Variants in FUT8 observed in about 807,000 individuals in gnomAD.
FUT8 encodes alpha-(1,6)-fucosyltransferase.
In FUT8, 29 loss-of-function variants were observed where a neutral mutation model predicts 71.3. The observed-to-expected ratio is 0.41, with a 90% CI of 0.30 to 0.55. FUT8 has a LOEUF of 0.55. Ranked by LOEUF, FUT8 falls within the 20% of genes least tolerant of loss-of-function variation. FUT8 has a pLI of 0.34. For synonymous variants in FUT8, 254 were observed against 239.3 expected (o/e 1.06, Z -0.57); for missense variants, 544 against 702.1 (o/e 0.77, Z 2.55).
chr14:65,370,110 A>G, the FUT8 span, among the ~76,000 whole-genome samples: 843 of 151,784 alleles, frequency 5.6e-3, 6 homozygotes, highest in South Asian at 0.017. Context: ...AAAAAATGGT[A>G]ACTACAGTGT....
intron 2 of FUT8, among the ~76,000 whole-genome samples, chr14:65,492,872 G>A (rs982699359): frequency 6.6e-6 from 1 of 152,028 alleles, no homozygotes; most frequent in African/African-American, 2.4e-5. Flanking sequence ...ACCACAAGTG[G>A]CAAAGTAGGA....
intron 2 of FUT8, among the ~76,000 whole-genome samples, chr14:65,509,511 G>A (rs1276826258): frequency 1.3e-5 from 2 of 152,020 alleles, no homozygotes; most frequent in African/African-American, 4.8e-5. Flanking sequence ...GCTTTGGGTA[G>A]TATGGACGTT....
intron 7 of FUT8, among the ~76,000 whole-genome samples, chr14:65,718,171 G>A (rs1393182115): frequency 1.3e-5 from 2 of 151,752 alleles, no homozygotes; most frequent in African/African-American, 4.8e-5. Flanking sequence ...TTTCCTTTTA[G>A]TGAAGGTGAT....
At chr14:65,541,643 C>A (rs1278289254) in intron 2 of FUT8, among the ~76,000 whole-genome samples, 1 of 152,118 alleles carries the variant, frequency 6.6e-6, no homozygotes, top group Non-Finnish European at 1.5e-5. Flanking sequence ...TTGGTGAGGG[C>A]ACATGTTCTT....
At chr14:65,520,939 A>AC (rs1035624834) in intron 2 of FUT8, among the ~76,000 whole-genome samples, 1 of 152,138 alleles carries the variant, frequency 6.6e-6, no homozygotes, top group African/African-American at 2.4e-5. Context: ...TATTAAGCAC[A>AC]CATATAAGAC....
At chr14:65,665,923 C>A (rs1490788134) in intron 6 of FUT8, among the ~76,000 whole-genome samples, 4 of 151,852 alleles carry the variant, frequency 2.6e-5, no homozygotes, top group Non-Finnish European at 5.9e-5. Context: ...GACACTGGGG[C>A]CTATCGGAGG....
intron 6 of FUT8, among the ~76,000 whole-genome samples, chr14:65,631,103 G>T (rs1302284113): frequency 6.6e-6 from 1 of 152,212 alleles, no homozygotes; most frequent in African/African-American, 2.4e-5. Flanking sequence ...CATCAGAGGT[G>T]TCTGCAGAAT....
Position 65,611,285 on chromosome 14 carries a change from ACACACACACACACACAC to A in FUT8, c.204-4691_204-4675del, listed in dbSNP as rs1566851503. Among the ~76,000 whole-genome samples the A allele has an allele frequency of 1.6e-3, 66 of 42,480 alleles. 6 individuals are homozygous for A. The highest frequency in any genetic ancestry group is 6.9e-3 in the African/African-American group (60 of 8,740). 27.9% of individuals were successfully genotyped at this position (42,480 alleles called of 152,430 possible). ...CACACACACACACACACACACACAC[ACACACACACACACACAC>A]CCCCCAAGTAATAGCCTTGATTTTG... On this transcript the variant is annotated intron_variant, in intron 3 of 10. Coordinates refer to ENST00000673929, the MANE Select transcript of FUT8 (RefSeq NM_001371533.1).
intron 7 of FUT8, among the ~76,000 whole-genome samples, chr14:65,697,617 A>G (rs938373712): frequency 2.0e-5 from 3 of 152,204 alleles, no homozygotes; most frequent in Admixed American, 2.0e-4. Flanking sequence ...TATTATAATG[A>G]TAGTAATCAT....
chr14:65,577,038 T>TG (rs1449017579), intron 3 of FUT8, among the ~76,000 whole-genome samples: 6 of 151,932 alleles, frequency 3.9e-5, no homozygotes, highest in East Asian at 1.9e-4. Context: ...TTTGTAGAGA[T>TG]GGGGTCTCCC....
intron 7 of FUT8, among the ~76,000 whole-genome samples, chr14:65,704,423 T>C (rs558840042): frequency 1.3e-5 from 2 of 152,302 alleles, no homozygotes; most frequent in South Asian, 4.1e-4. Context: ...AAGCCTTGCC[T>C]TCCTACTGCT....
At chr14:65,513,726 A>G (rs1420682560) in intron 2 of FUT8, among the ~76,000 whole-genome samples, 1 of 148,368 alleles carries the variant, frequency 6.7e-6, no homozygotes, top group Non-Finnish European at 1.5e-5. Context: ...AGGAAAAAGG[A>G]GAAAACTTTA....
intron 4 of FUT8, 28 bp downstream of exon 4, chr14:65,616,121 C>T (rs758156920): frequency 2.5e-6 from 4 of 1,603,272 alleles, no homozygotes; most frequent in Non-Finnish European, 3.4e-6. Context: ...GTTTTCCCCT[C>T]CTCAGTATAT....
Position 65,633,864 on chromosome 14 carries a change from A to G in FUT8, c.597+4258A>G, listed in dbSNP as rs1271213412. Among the ~76,000 whole-genome samples the G allele has an allele frequency of 3.4e-5, 5 of 148,008 alleles. No individual in the cohort carries two copies. In the South Asian group the frequency reaches 1.1e-3, roughly 32 times the overall value. ...GGAGGGAGGTGGGGGGTCAGCCCCC[A>G]CTCGGCCAGCTGCCCTGTCCAGGAG... On this transcript the variant is annotated intron_variant, in intron 6 of 10. Coordinates refer to ENST00000673929, the MANE Select transcript of FUT8 (RefSeq NM_001371533.1).
At chr14:65,537,577 C>G (rs1884407547) in intron 2 of FUT8, among the ~76,000 whole-genome samples, 1 of 151,996 alleles carries the variant, frequency 6.6e-6, no homozygotes, top group African/African-American at 2.4e-5. Context: ...TTAGTAGAGA[C>G]TGGGTTTCAC....
At chr14:65,528,851 A>G (rs910635072) in intron 2 of FUT8, 2 of 152,276 alleles carry the variant, frequency 1.3e-5, no homozygotes, top group Non-Finnish European at 2.9e-5. Context: ...CAAGATCTTT[A>G]TCATCATCTT....
At chr14:65,493,930 A>G (rs2066520804) in intron 2 of FUT8, among the ~76,000 whole-genome samples, 1 of 152,124 alleles carries the variant, frequency 6.6e-6, no homozygotes, top group South Asian at 2.1e-4. Flanking sequence ...AGAGATAAGG[A>G]AAGGAAGGAA....
At chr14:65,406,951 T>C (rs1566727596), upstream of FUT8, among the ~76,000 whole-genome samples, 1 of 152,224 alleles carries the variant, frequency 6.6e-6, no homozygotes, top group East Asian at 1.9e-4. Flanking sequence ...GATGCCAAGC[T>C]TGATACGATT....
intron 7 of FUT8, among the ~76,000 whole-genome samples, chr14:65,688,119 C>T (rs1474201376): frequency 6.6e-6 from 1 of 152,162 alleles, no homozygotes; most frequent in Non-Finnish European, 1.5e-5. Context: ...CCATAGTTCA[C>T]ATTAGGGTTC....
Sources: allele counts gnomAD v4.1 joint callset (sites outside exome capture counted in the v4.1 genomes callset), GRCh38; gene constraint gnomAD v4.1.1; transcripts MANE v1.5; gene names NCBI Gene and HGNC (gene_info 2026-07-23, HGNC 2026-07-21).